Variants in TMEM117 observed in about 807,000 individuals in gnomAD.
TMEM117 encodes transmembrane protein 117.
A neutral mutation model predicts 52.4 loss-of-function variants in TMEM117; 27 were observed. The ratio of observed to expected loss-of-function variants is 0.51; its 90% CI spans 0.38 to 0.71. The LOEUF is 0.71. Among genes scored for constraint, TMEM117 ranks in the 30% least tolerant of loss-of-function variants. The probability of loss-of-function intolerance (pLI) is 0.00; values close to 1 mark genes in which losing one functional copy is unlikely to be tolerated. For synonymous variants in TMEM117, 215 were observed against 206.3 expected (o/e 1.04, Z -0.36); for missense variants, 556 against 630.5 (o/e 0.88, Z 1.26).
At chr12:44,027,751 T>A (rs1946565609) in intron 3 of TMEM117, among the ~76,000 whole-genome samples, 1 of 152,226 alleles carries the variant, frequency 6.6e-6, no homozygotes, top group African/African-American at 2.4e-5. Context: ...CGTTTGATTG[T>A]TAGGATACCT....
chr12:44,076,723 T>C (rs1450005136), intron 3 of TMEM117, among the ~76,000 whole-genome samples: 2 of 152,194 alleles, frequency 1.3e-5, no homozygotes, highest in Non-Finnish European at 2.9e-5. Context: ...ATAAACATAG[T>C]TGTCCCCTTA....
At chr12:43,917,631 G>T (rs1944627565) in intron 2 of TMEM117, among the ~76,000 whole-genome samples, 1 of 151,290 alleles carries the variant, frequency 6.6e-6, no homozygotes, top group Non-Finnish European at 1.5e-5. Context: ...AACATTTTTA[G>T]CTTTTAGTAA....
chr12:43,868,930 A>G (rs1232953806), intron 2 of TMEM117, among the ~76,000 whole-genome samples: 1 of 152,122 alleles, frequency 6.6e-6, no homozygotes. Context: ...GAGAACATTA[A>G]TAAGACTAGA....
At chr12:44,292,257 G>T (rs1336062373) in intron 5 of TMEM117, among the ~76,000 whole-genome samples, 1 of 151,796 alleles carries the variant, frequency 6.6e-6, no homozygotes. Flanking sequence ...TTATTATTCG[G>T]AGTAGTCTCT....
intron 3 of TMEM117, among the ~76,000 whole-genome samples, chr12:44,037,707 A>C (rs976208894): frequency 6.6e-6 from 1 of 152,108 alleles, no homozygotes; most frequent in Admixed American, 6.5e-5. Context: ...CTCTGAACTC[A>C]GCCAGACTCA....
At position 44,388,593 on chromosome 12, in the gene TMEM117, G is replaced by A; in HGVS notation, c.1466G>A (p.Ser489Asn). 1 of 1,613,478 alleles carries A rather than the reference G, an allele frequency of 6.2e-7. No individual in the cohort carries two copies. The highest frequency in any genetic ancestry group is 1.7e-5 in the Admixed American group (1 of 59,940). Residue 489 changes from serine (S) to asparagine (N), a missense_variant, in exon 8 of 8, where the codon AGC (serine) becomes AAC (asparagine). Transcript: ENST00000266534. ...TCCCACCTAACCTCGGAAAACTTGA[G>A]CTCACAGTTGAACGAATCTACTAGT... ...KSSHLTSENL[S>N]SQLNESTSAT... is the part of the protein sequence containing the mutation.
chr12:43,825,237 T>A, the TMEM117 span, among the ~76,000 whole-genome samples: 4 of 152,164 alleles, frequency 2.6e-5, no homozygotes, highest in African/African-American at 9.7e-5. Flanking sequence ...TTGCCACTAG[T>A]TTACAAGGGT....
At chr12:43,941,700 G>A (rs1488833080) in intron 2 of TMEM117, among the ~76,000 whole-genome samples, 1 of 152,146 alleles carries the variant, frequency 6.6e-6, no homozygotes, top group Non-Finnish European at 1.5e-5. Flanking sequence ...ACTAGTTCTG[G>A]ACTTAATATT....
intron 3 of TMEM117, among the ~76,000 whole-genome samples, chr12:44,114,568 C>T (rs1948102038): frequency 6.6e-6 from 1 of 152,130 alleles, no homozygotes; most frequent in African/African-American, 2.4e-5. Context: ...TTTCCACATC[C>T]ATTTCTAGTT....
chr12:43,934,938 A>G (rs1301662820), intron 2 of TMEM117, among the ~76,000 whole-genome samples: 1 of 152,174 alleles, frequency 6.6e-6, no homozygotes, highest in East Asian at 1.9e-4. Flanking sequence ...TTGTTAGATA[A>G]CTTTGTTGAT....
intron 3 of TMEM117, among the ~76,000 whole-genome samples, chr12:44,085,017 A>G (rs1947543449): frequency 6.6e-6 from 1 of 152,188 alleles, no homozygotes; most frequent in Admixed American, 6.5e-5. Flanking sequence ...ACAGCACCTG[A>G]TATATAGGAA....
chr12:44,167,511 A>G (rs1435636953), intron 4 of TMEM117, among the ~76,000 whole-genome samples: 1 of 152,088 alleles, frequency 6.6e-6, no homozygotes, highest in Non-Finnish European at 1.5e-5. Context: ...TACTAAAAAT[A>G]CAAAAAATTA....
chr12:44,330,088 C>G (rs1300337311), intron 6 of TMEM117, among the ~76,000 whole-genome samples: 1 of 151,882 alleles, frequency 6.6e-6, no homozygotes, highest in South Asian at 2.1e-4. Context: ...TGAGGAAGTG[C>G]CGTACCGTTT....
intron 4 of TMEM117, among the ~76,000 whole-genome samples, chr12:44,187,907 G>T (rs1949299637): frequency 6.6e-6 from 1 of 152,080 alleles, no homozygotes; most frequent in Non-Finnish European, 1.5e-5. Context: ...AGGAAGAATG[G>T]ATACAGCAGA....
At chr12:43,972,436 T>C (rs1184625160) in intron 3 of TMEM117, among the ~76,000 whole-genome samples, 1 of 152,124 alleles carries the variant, frequency 6.6e-6, no homozygotes, top group Non-Finnish European at 1.5e-5. Flanking sequence ...AGCAGCAGGA[T>C]TTATTGTGAA....
intron 4 of TMEM117, among the ~76,000 whole-genome samples, chr12:44,205,147 A>G (rs1483844847): frequency 2.0e-5 from 3 of 152,156 alleles, no homozygotes; most frequent in Admixed American, 6.6e-5. Context: ...TGCCCACCCA[A>G]ATTTCACCTT....
intron 3 of TMEM117, among the ~76,000 whole-genome samples, chr12:44,081,211 A>G (rs1947476775): frequency 6.6e-6 from 1 of 152,166 alleles, no homozygotes; most frequent in Admixed American, 6.5e-5. Context: ...AGAATAATCC[A>G]TTTTAGCCAC....
chr12:44,308,222 C>A (rs1380021456), intron 6 of TMEM117, among the ~76,000 whole-genome samples: 1 of 152,164 alleles, frequency 6.6e-6, no homozygotes, highest in Non-Finnish European at 1.5e-5. Flanking sequence ...TATATAAATT[C>A]TATACTACTG....
chr12:43,866,428 A>G (rs2137414392), intron 2 of TMEM117, among the ~76,000 whole-genome samples: 1 of 150,290 alleles, frequency 6.7e-6, no homozygotes, highest in Non-Finnish European at 1.5e-5. Context: ...AAAAAAAAAA[A>G]GTTATGTGAA....
Sources: gnomAD v4.1 joint callset for allele counts (sites outside exome capture counted in the v4.1 genomes callset) on GRCh38, gnomAD v4.1.1 for gene constraint, MANE v1.5 for transcripts, NCBI Gene and HGNC (gene_info 2026-07-23, HGNC 2026-07-21) for gene names.